Variants in NEMP2 observed in about 807,000 individuals in gnomAD.
The protein encoded by NEMP2 is nuclear envelope integral membrane protein 2, also known as UPF0571 transmembrane protein.
A neutral mutation model predicts 54.2 loss-of-function variants in NEMP2; 53 were observed. That is an observed-to-expected ratio of 0.98 (90% CI 0.78 to 1.23). The LOEUF (loss-of-function observed/expected upper bound fraction) is 1.23. NEMP2 is among the 50% of genes most tolerant of loss of function. The probability of loss-of-function intolerance (pLI) is 0.00; values close to 1 mark genes in which losing one functional copy is unlikely to be tolerated. For missense variants in NEMP2, 455 were observed against 511.3 expected, an observed-to-expected ratio of 0.89 and a Z score of 1.06; for synonymous variants, 197 against 190.3, an observed-to-expected ratio of 1.04 and a Z score of -0.29.
chr2:190,575,031 A>T, the NEMP2 span, among the ~76,000 whole-genome samples: 4 of 151,404 alleles, frequency 2.6e-5, no homozygotes, highest in African/African-American at 9.7e-5. Flanking sequence ...CTTTTTTTGT[A>T]TTTTTAGTAG....
chr2:190,558,311 G>C, the NEMP2 span, among the ~76,000 whole-genome samples: 1 of 152,116 alleles, frequency 6.6e-6, no homozygotes, highest in Non-Finnish European at 1.5e-5. The surrounding 1 kb of genome is among the most constrained non-coding windows in gnomAD (Gnocchi z 4.4). Context: ...ATCACCCACC[G>C]GGGCCTGTTT....
At chr2:190,477,106 A>C in the NEMP2 span, 1 of 202,870 alleles carries the variant, frequency 4.9e-6, no homozygotes, top group African/African-American at 2.4e-5. Flanking sequence ...CTAATGTTAA[A>C]TGACGAGTTA....
At chr2:190,499,708 C>A, downstream of NEMP2, 1 of 1,045,944 alleles carries the variant, frequency 9.6e-7, no homozygotes, top group Non-Finnish European at 1.3e-6. The surrounding 1 kb of genome is among the most constrained non-coding windows in gnomAD (Gnocchi z 6.0). Context: ...GCTTGGGGGG[C>A]TCAGTAAATA....
At chr2:190,600,535 C>G in the NEMP2 span, among the ~76,000 whole-genome samples, 1 of 152,116 alleles carries the variant, frequency 6.6e-6, no homozygotes, top group Non-Finnish European at 1.5e-5. The surrounding 1 kb of genome is among the most constrained non-coding windows in gnomAD (Gnocchi z 4.9). Context: ...GAATGCCCTC[C>G]TTGGGGTGGG....
At chr2:190,614,601 A>G in the NEMP2 span, among the ~76,000 whole-genome samples, 1 of 152,182 alleles carries the variant, frequency 6.6e-6, no homozygotes, top group Admixed American at 6.5e-5. This position sits in a 1 kb window ranked among gnomAD's most constrained non-coding sequence, Gnocchi z 5.7. Context: ...TCTCAACAGG[A>G]ATGGACCCAA....
chr2:190,437,782 C>T, the NEMP2 span, among the ~76,000 whole-genome samples: 1 of 152,112 alleles, frequency 6.6e-6, no homozygotes, highest in African/African-American at 2.4e-5. This position sits in a 1 kb window ranked among gnomAD's most constrained non-coding sequence, Gnocchi z 5.9. Flanking sequence ...GAATGGCTTC[C>T]TCTGCTCTCC....
At chr2:190,466,476 GAGGA>G in the NEMP2 span, among the ~76,000 whole-genome samples, 2 of 152,192 alleles carry the variant, frequency 1.3e-5, no homozygotes, top group South Asian at 4.1e-4. Context: ...AATGGTTGGT[GAGGA>G]AGGAATGCGA....
the NEMP2 span, among the ~76,000 whole-genome samples, chr2:190,556,923 G>A: frequency 6.6e-6 from 1 of 152,200 alleles, no homozygotes; most frequent in Non-Finnish European, 1.5e-5. Flanking sequence ...TAGATTCAAT[G>A]CTATCCCCAT....
At chr2:190,593,559 A>G in the NEMP2 span, among the ~76,000 whole-genome samples, 1 of 152,120 alleles carries the variant, frequency 6.6e-6, no homozygotes, top group Non-Finnish European at 1.5e-5. The surrounding 1 kb of genome is among the most constrained non-coding windows in gnomAD (Gnocchi z 4.5). Flanking sequence ...ACTTGTCTTC[A>G]TTTCCCAATG....
At chr2:190,565,789 TAAAAC>T in the NEMP2 span, among the ~76,000 whole-genome samples, 4 of 152,186 alleles carry the variant, frequency 2.6e-5, no homozygotes, top group African/African-American at 9.7e-5. Flanking sequence ...ATGATTAAGT[TAAAAC>T]AAAGCCATTA....
At chr2:190,485,638 G>A in the NEMP2 span, among the ~76,000 whole-genome samples, 1 of 152,058 alleles carries the variant, frequency 6.6e-6, no homozygotes, top group African/African-American at 2.4e-5. The surrounding 1 kb of genome is among the most constrained non-coding windows in gnomAD (Gnocchi z 5.1). Context: ...GTACTATGGT[G>A]TCAACACTCA....
chr2:190,445,457 CA>C, the NEMP2 span, among the ~76,000 whole-genome samples: 66 of 143,774 alleles, frequency 4.6e-4, no homozygotes, highest in Non-Finnish European at 8.1e-4. Context: ...GCCCCAATCA[CA>C]AAAAAAAAAA....
At chr2:190,582,233 T>A in the NEMP2 span, among the ~76,000 whole-genome samples, 1 of 152,180 alleles carries the variant, frequency 6.6e-6, no homozygotes, top group Non-Finnish European at 1.5e-5. The surrounding 1 kb of genome is among the most constrained non-coding windows in gnomAD (Gnocchi z 4.6). Flanking sequence ...TATAAGAGGC[T>A]TCAGGGTTTA....
chr2:190,560,963 C>T, the NEMP2 span, among the ~76,000 whole-genome samples: 36 of 152,076 alleles, frequency 2.4e-4, no homozygotes, highest in Non-Finnish European at 4.0e-4. This position sits in a 1 kb window ranked among gnomAD's most constrained non-coding sequence, Gnocchi z 5.4. Context: ...GAAATCAAAA[C>T]CATTTATGTT....
chr2:190,494,442 C>T, the NEMP2 span, among the ~76,000 whole-genome samples: 1 of 152,268 alleles, frequency 6.6e-6, no homozygotes, highest in East Asian at 1.9e-4. The surrounding 1 kb of genome is among the most constrained non-coding windows in gnomAD (Gnocchi z 5.7). Context: ...TGGTACCAAT[C>T]CTATTGACAC....
chr2:190,642,163 A>G, the NEMP2 span, among the ~76,000 whole-genome samples: 1 of 152,184 alleles, frequency 6.6e-6, no homozygotes, highest in Non-Finnish European at 1.5e-5. This position sits in a 1 kb window ranked among gnomAD's most constrained non-coding sequence, Gnocchi z 4.1. Flanking sequence ...CTTGTATTTT[A>G]TAAGCACTGG....
chr2:190,490,817 C>T, the NEMP2 span, among the ~76,000 whole-genome samples: 1 of 152,206 alleles, frequency 6.6e-6, no homozygotes, highest in Non-Finnish European at 1.5e-5. This position sits in a 1 kb window ranked among gnomAD's most constrained non-coding sequence, Gnocchi z 4.5. Context: ...GGAGCATTAG[C>T]CTCAGGCCCC....
chr2:190,427,845 T>A, the NEMP2 span, among the ~76,000 whole-genome samples: 1 of 152,140 alleles, frequency 6.6e-6, no homozygotes, highest in Admixed American at 6.5e-5. Context: ...GATTCTCCTG[T>A]CTCAGCCTCC....
At chr2:190,554,348 A>G in the NEMP2 span, among the ~76,000 whole-genome samples, 1 of 152,176 alleles carries the variant, frequency 6.6e-6, no homozygotes, top group South Asian at 2.1e-4. This position sits in a 1 kb window ranked among gnomAD's most constrained non-coding sequence, Gnocchi z 5.7. Flanking sequence ...CAGGGAGCCA[A>G]GTGGTCTGGC....
Sources: gnomAD v4.1 joint callset for allele counts (sites outside exome capture counted in the v4.1 genomes callset) on GRCh38, gnomAD v4.1.1 for gene constraint, Gnocchi (gnomAD v3.1) non-coding constraint, MANE v1.5 for transcripts, NCBI Gene and HGNC (gene_info 2026-07-23, HGNC 2026-07-21) for gene names.